PDE6B: variants seen among roughly 807,000 people sequenced by gnomAD.
PDE6B encodes the protein phosphodiesterase 6B, also known as rod cGMP-specific 3',5'-cyclic phosphodiesterase subunit beta.
PDE6B carries 106 observed loss-of-function variants against 109.0 expected under a neutral mutation model. The observed-to-expected ratio is 0.97, with a 90% confidence interval of 0.83 to 1.14. PDE6B has a LOEUF of 1.14. Among genes scored for constraint, PDE6B ranks in the 50% most tolerant of loss-of-function variants. The probability of loss-of-function intolerance (pLI) is 0.00; values close to 1 mark genes in which losing one functional copy is unlikely to be tolerated. For synonymous variants in PDE6B, 490 were observed against 471.3 expected (o/e 1.04, Z -0.51); for missense variants, 1,193 against 1,155.6 (o/e 1.03, Z -0.47).
rs950872759 is a variant in PDE6B at position 633,758 on chromosome 4, G to T, written c.469-919G>T. The stretch of plus-strand genomic sequence containing the variant: ...TCCGGAGCCGTCCACCTGGGTCACT[G>T]CCCCAGGGCACCCTGGCCTCATGTA... On this transcript the variant is annotated intron_variant, in intron 1 of 21. Transcript: ENST00000496514. The surrounding 1 kb of genome is among the most constrained non-coding windows in gnomAD (Gnocchi z 4.5). Among the ~76,000 whole-genome samples, 6 of 152,198 alleles carry T rather than the reference G, an allele frequency of 3.9e-5. No homozygotes were observed. Among genetic ancestry groups the T allele is most frequent in the African/African-American group, 1.4e-4 (6 of 41,446 alleles).
rs532820732 is a variant in PDE6B at position 626,804 on chromosome 4, C to T, written c.468+710C>T. Among the ~76,000 whole-genome samples the T allele has an allele frequency of 3.9e-5, 6 of 152,166 alleles. No individual in the cohort carries two copies. Among genetic ancestry groups the T allele is most frequent in the South Asian group, 2.1e-4 (1 of 4,828 alleles). The stretch of plus-strand genomic sequence containing the variant: ...GGCAGACGCTTCCCGAGGACAGAGG[C>T]GGTCCTGGCGGGACTGGAGAACAAG... On this transcript the variant is annotated intron_variant, in intron 1 of 21. Transcript: ENST00000496514. This position sits in a 1 kb window ranked among gnomAD's most constrained non-coding sequence, Gnocchi z 4.6.
rs371196643 is a variant in PDE6B at position 654,359 on chromosome 4, T to C, written c.927+205T>C. ...GGGGTGTCCAGGGCTGGTCCCTGAA[T>C]GAGGGCCGCCAGGCTGGTCGTGAAG... On this transcript the variant is annotated intron_variant, in intron 5 of 21. Coordinates refer to ENST00000496514, the MANE Select transcript of PDE6B (RefSeq NM_000283.4). The C allele has an allele frequency of 1.2e-3, 813 of 683,120 alleles. 6 individuals carry two copies. In the African/African-American group the frequency reaches 0.013, roughly 11 times the overall value. 42.3% of individuals were successfully genotyped at this position (683,120 alleles called of 1,614,324 possible).
chr4:638,408 C>T (rs1431247322), intron 3 of PDE6B, among the ~76,000 whole-genome samples: 4 of 151,904 alleles, frequency 2.6e-5, no homozygotes, highest in Non-Finnish European at 4.4e-5. Flanking sequence ...CTGCAACCTC[C>T]GCCTCCCAGG....
rs149423059 is a variant in PDE6B at position 664,153 on chromosome 4, G to C, written c.2061G>C (p.Lys687Asn). ...TTCAGAAGATCGTGGATGAGTCCAA[G>C]AACTACCAGGACAAGAAGAGCTGGG... is the stretch of plus-strand genomic sequence containing the variant. Reference protein sequence around the residue: ...AMFQKIVDESKNYQDKKSWVE... With the variant: ...AMFQKIVDESNNYQDKKSWVE... Residue 687 changes from lysine to asparagine, a missense_variant, in exon 17 of 22, where the codon AAG (lysine) becomes AAC (asparagine). Transcript: ENST00000496514. 5.6e-6 allele frequency: 9 copies of C among 1,612,630 alleles called. No individual in the cohort carries two copies. The African/African-American group carries it at 1.2e-4, about 22-fold the overall frequency.
At chr4:661,288 T>G (rs1167276745) in intron 12 of PDE6B, 1 of 152,634 alleles carries the variant, frequency 6.6e-6, no homozygotes, top group African/African-American at 2.4e-5. Flanking sequence ...GGGGATTTGG[T>G]GTGGGGTGCT....
chr4:663,800 C>T lies in PDE6B; in HGVS notation c.1951C>T (p.Arg651Trp), dbSNP rs761630795. The change falls in exon 16 of 22, where the codon CGG becomes TGG. Residue 651 changes from arginine (R) to tryptophan (W), a missense_variant. Coordinates refer to ENST00000496514, the MANE Select transcript of PDE6B (RefSeq NM_000283.4). The surrounding 1 kb of genome is among the most constrained non-coding windows in gnomAD (Gnocchi z 4.0). ...TLNIYQNLNR[R>W]QHEHVIHLMD... is the part of the protein sequence containing the mutation. Reference sequence around the variant, plus strand: ...GAACATCTACCAGAACCTGAACCGGCGGCAGCACGAGCACGTGATCCACCT... The same window carrying T: ...GAACATCTACCAGAACCTGAACCGGTGGCAGCACGAGCACGTGATCCACCT... The T allele has an allele frequency of 1.2e-6, 2 of 1,612,046 alleles. No individual in the cohort carries two copies. Among genetic ancestry groups the T allele is most frequent in the South Asian group, 1.1e-5 (1 of 91,082 alleles).
chr4:660,341 G>T (rs1736914447), intron 11 of PDE6B, 126 bp from the exon 12 acceptor site: 1 of 965,196 alleles, frequency 1.0e-6, no homozygotes, highest in Admixed American at 1.7e-5. Context: ...CGCCAGGAAT[G>T]ACACATCTCC....
intron 21 of PDE6B, among the ~76,000 whole-genome samples, chr4:668,770 C>G: frequency 1.1e-5 from 1 of 90,584 alleles, no homozygotes; most frequent in Non-Finnish European, 2.1e-5. Context: ...ATTCCCCTAC[C>G]CCATGCTGCT....
rs74403393 is a variant in PDE6B at position 626,155 on chromosome 4, G to A, written c.468+61G>A. The A allele has an allele frequency of 3.4e-5, 35 of 1,041,084 alleles. No individual in the cohort carries two copies. The highest frequency in any genetic ancestry group is 4.8e-5 in the Non-Finnish European group (33 of 689,730). The allele number at this position is 1,041,084 out of a possible 1,614,324, so 64.5% of individuals were successfully genotyped here. On this transcript the variant is annotated intron_variant, in intron 1 of 21. Coordinates refer to ENST00000496514, the MANE Select transcript of PDE6B (RefSeq NM_000283.4). This position sits in a 1 kb window ranked among gnomAD's most constrained non-coding sequence, Gnocchi z 4.6. The stretch of plus-strand genomic sequence containing the variant: ...TGCATCTCTTGCACCTGTCCCAGGT[G>A]TCTAAGGGTCAGCTCGGATCCTCAG...
At position 662,617 on chromosome 4, in the gene PDE6B, A is replaced by G. The variant is rs777215608; in HGVS notation, c.1831A>G (p.Lys611Glu). The change falls in exon 14 of 22, where the codon AAG (lysine) becomes GAG (glutamate). Residue 611 changes from lysine (K) to glutamate (E), a missense_variant and splice_region_variant. Physicochemically the swap from Lys to Glu is moderately conservative, Grantham distance 56. Transcript: ENST00000496514. The surrounding 1 kb of genome is among the most constrained non-coding windows in gnomAD (Gnocchi z 4.3). Reference sequence around the variant, plus strand: ...CGGCACCAACAACCTGTACCAGATGAAGTAGGCACCTCAGGGCGGGCATGT... The same window carrying G: ...CGGCACCAACAACCTGTACCAGATGGAGTAGGCACCTCAGGGCGGGCATGT... ...HRGTNNLYQM[K>E]SQNPLAKLHG... 2.5e-6 allele frequency: 4 copies of G among 1,582,486 alleles called. No individual in the cohort carries two copies. In the Admixed American group the frequency reaches 5.0e-5, roughly 20 times the overall value.
rs1737251983 is a variant in PDE6B, at chr4:662,676, G to A, written c.1832+58G>A. On this transcript the variant is annotated intron_variant, in intron 14 of 21. Coordinates refer to ENST00000496514, the MANE Select transcript of PDE6B (RefSeq NM_000283.4). The surrounding 1 kb of genome is among the most constrained non-coding windows in gnomAD (Gnocchi z 4.3). ...CCTAAATCAACTCCACGCCCTTGGC[G>A]TGAATTAGGCTTCGCATAGCAGGCT... is the stretch of plus-strand genomic sequence containing the variant. 5.5e-6 allele frequency: 6 copies of A among 1,100,614 alleles called. No homozygotes were observed. The highest frequency in any genetic ancestry group is 2.0e-4 in the Middle Eastern group (1 of 5,086). 68.2% of individuals were successfully genotyped at this position (1,100,614 alleles called of 1,614,324 possible).
In PDE6B at chr4:663,822, A is replaced by C. The variant is rs1330095073; in HGVS notation, c.1973A>C (p.His658Pro). 3.1e-6 allele frequency: 5 copies of C among 1,612,522 alleles called. No individual in the cohort carries two copies. Among genetic ancestry groups the C allele is most frequent in the Non-Finnish European group, 3.4e-6 (4 of 1,179,562 alleles). ...LNRRQHEHVI[H>P]LMDIAIIATD... is the part of the protein sequence containing the mutation. ...CGGCGGCAGCACGAGCACGTGATCCACCTGATGGACATCGCCATCATCGCC... is the reference window on the plus strand; with the variant it reads ...CGGCGGCAGCACGAGCACGTGATCCCCCTGATGGACATCGCCATCATCGCC... Residue 658 changes from histidine (H) to proline (P), a missense_variant, in exon 16 of 22, where the codon CAC becomes CCC. Transcript: ENST00000496514. This position sits in a 1 kb window ranked among gnomAD's most constrained non-coding sequence, Gnocchi z 4.0.
chr4:636,274 G>A lies in PDE6B; in HGVS notation c.711+305G>A, dbSNP rs1440966962. On this transcript the variant is annotated intron_variant, in intron 3 of 21. Coordinates refer to ENST00000496514, the MANE Select transcript of PDE6B (RefSeq NM_000283.4). The surrounding 1 kb of genome is among the most constrained non-coding windows in gnomAD (Gnocchi z 4.5). ...CTCCTTGGGAGAAGCCAGTATGAGTGACGAGTGAGCAGGGAGCAGAGGGGC... is the reference window on the plus strand; with the variant it reads ...CTCCTTGGGAGAAGCCAGTATGAGTAACGAGTGAGCAGGGAGCAGAGGGGC... Among the ~76,000 whole-genome samples the A allele has an allele frequency of 1.3e-5, 2 of 152,218 alleles. No homozygotes were observed. The highest frequency in any genetic ancestry group is 2.9e-5 in the Non-Finnish European group (2 of 68,026).
At position 634,822 on chromosome 4, in the gene PDE6B, A is replaced by C; in HGVS notation, c.614A>C (p.Asp205Ala). ...KLNGPFFTSE[D>A]EDVFLKYLNF... ...AACGGCCCATTCTTCACCAGCGAAGACGAAGATGTGAGTGTGGGGGGCACC... is the reference window on the plus strand; with the variant it reads ...AACGGCCCATTCTTCACCAGCGAAGCCGAAGATGTGAGTGTGGGGGGCACC... The change falls in exon 2 of 22, where the codon GAC becomes GCC. Residue 205 changes from aspartate to alanine, a missense_variant. Physicochemically the swap from Asp to Ala is moderately radical, Grantham distance 126. Coordinates refer to ENST00000496514, the MANE Select transcript of PDE6B (RefSeq NM_000283.4). 6.2e-7 allele frequency: 1 copy of C among 1,613,766 alleles called. No homozygotes were observed.
Position 633,817 on chromosome 4 carries a change from T to A in PDE6B, c.469-860T>A, listed in dbSNP as rs897020034. ...TCAGAACCAGGAAGTAAGAGGAGGGTCTGGGGTCACATCCAACTCTCTGAA... is the reference window on the plus strand; with the variant it reads ...TCAGAACCAGGAAGTAAGAGGAGGGACTGGGGTCACATCCAACTCTCTGAA... On this transcript the variant is annotated intron_variant, in intron 1 of 21. Transcript: ENST00000496514. The surrounding 1 kb of genome is among the most constrained non-coding windows in gnomAD (Gnocchi z 4.5). Among the ~76,000 whole-genome samples the A allele has an allele frequency of 2.0e-5, 3 of 151,924 alleles. No homozygotes were observed. The highest frequency in any genetic ancestry group is 2.1e-4 in the South Asian group (1 of 4,816).
chr4:635,074 T>C (rs1237484874), intron 2 of PDE6B, among the ~76,000 whole-genome samples: 28 of 80,960 alleles, frequency 3.5e-4, no homozygotes, highest in South Asian at 1.0e-3. Flanking sequence ...CGCCTGCCCG[T>C]GTGTTCTCTG....
chr4:635,745 T>C (rs1734646870), intron 2 of PDE6B, 135 bp from the exon 3 acceptor site: 1 of 707,286 alleles, frequency 1.4e-6, no homozygotes, highest in Admixed American at 2.0e-5. Context: ...TGCCAATCCA[T>C]GTCTGCCTGT....
At chr4:639,371 C>CTGTGA (rs1347792931) in intron 3 of PDE6B, among the ~76,000 whole-genome samples, 2 of 151,990 alleles carry the variant, frequency 1.3e-5, no homozygotes, top group African/African-American at 2.4e-5. Context: ...AAGGGCAGTT[C>CTGTGA]TGTGATGTTT....
At position 625,677 on chromosome 4, in the gene PDE6B, T is replaced by A; in HGVS notation, c.51T>A (p.Asp17Glu). The change falls in exon 1 of 22, where the codon GAT becomes GAA. Residue 17 changes from aspartate to glutamate, a missense_variant. Transcript: ENST00000496514. The surrounding 1 kb of genome is among the most constrained non-coding windows in gnomAD (Gnocchi z 5.0). ...QARSFLDQNP[D>E]FARQYFGKKL... is the part of the protein sequence containing the mutation. ...GGAGCTTTCTGGACCAGAACCCCGA[T>A]TTTGCCCGCCAGTACTTTGGGAAGA... 3 of 1,613,888 alleles carry A rather than the reference T, an allele frequency of 1.9e-6. No individual in the cohort carries two copies. The highest frequency in any genetic ancestry group is 2.5e-6 in the Non-Finnish European group (3 of 1,179,976).
Sources: allele counts gnomAD v4.1 joint callset (sites outside exome capture counted in the v4.1 genomes callset), GRCh38; gene constraint gnomAD v4.1.1; non-coding constraint Gnocchi (gnomAD v3.1); transcripts MANE v1.5; gene names NCBI Gene and HGNC (gene_info 2026-07-23, HGNC 2026-07-21).